Variants in PRR13 observed in about 807,000 individuals in gnomAD.
PRR13 encodes the protein proline-rich protein 13.
Under a neutral mutation model 11.5 loss-of-function variants are expected in PRR13, and 7 were observed. The ratio of observed to expected loss-of-function variants is 0.61; its 90% CI spans 0.34 to 1.14. PRR13 has a LOEUF of 1.14. PRR13 is among the 50% of genes most tolerant of loss of function. The pLI is 0.03. For synonymous variants in PRR13, 53 were observed against 67.8 expected, an observed-to-expected ratio of 0.78 and a Z score of 1.07; for missense variants, 155 against 194.4, an observed-to-expected ratio of 0.80 and a Z score of 1.21.
At chr12:53,444,026 C>CA in intron 3 of PRR13, 1 of 526,942 alleles carries the variant, frequency 1.9e-6, no homozygotes, top group Middle Eastern at 5.0e-4. Flanking sequence ...AATCAAAAGC[C>CA]AAATCTTTTC....
chr12:53,445,093 T>G (rs1940375760), intron 3 of PRR13, among the ~76,000 whole-genome samples: 1 of 152,192 alleles, frequency 6.6e-6, no homozygotes, highest in Non-Finnish European at 1.5e-5. Flanking sequence ...GGTCCACACC[T>G]GTAATCCCAG....
rs1371480345 is a variant in PRR13 at position 53,442,724 on chromosome 12, C to T, written c.10C>T (p.Pro4Ser). 6.2e-7 allele frequency: 1 copy of T among 1,610,970 alleles called. No homozygotes were observed. Among genetic ancestry groups the T allele is most frequent in the South Asian group, 1.1e-5 (1 of 91,004 alleles). MWNPNAGQPGPNPY... is the reference protein window; with the variant it reads MWNSNAGQPGPNPY... ...GAGGACACACCTAAACATGTGGAATCCCAATGCCGGTAGGTGTTTGGGGGT... is the reference window on the plus strand; with the variant it reads ...GAGGACACACCTAAACATGTGGAATTCCAATGCCGGTAGGTGTTTGGGGGT... The change falls in exon 2 of 4, where the codon CCC becomes TCC. Residue 4 changes from proline (P) to serine (S), a missense_variant. Pro to Ser is a moderately conservative substitution (Grantham distance 74, BLOSUM62 -1). Coordinates refer to ENST00000429243, the MANE Select transcript of PRR13 (RefSeq NM_018457.4).
intron 3 of PRR13, among the ~76,000 whole-genome samples, chr12:53,444,520 G>A (rs980912896): frequency 5.4e-4 from 82 of 152,206 alleles, no homozygotes; most frequent in African/African-American, 1.9e-3. Context: ...TAGTAGAGAT[G>A]GGGTTTCACC....
At position 53,446,023 on chromosome 12, in the gene PRR13, C is replaced by T. The variant is rs771297686; in HGVS notation, c.411C>T (p.Ser137=). The part of the protein sequence containing the change: ...HKYHKHGKHS[S]SSSSSSSSDS... ...CCCCTTTCCCCTTGCAGCATTCCTC[C>T]TCTTCCTCCTCCTCTTCCAGCAGTG... The change falls in exon 4 of 4, where the codon TCC becomes TCT. Residue 137 remains serine, a synonymous_variant. Transcript: ENST00000429243. The T allele has an allele frequency of 1.2e-6, 2 of 1,611,580 alleles. No homozygotes were observed. Among genetic ancestry groups the T allele is most frequent in the Non-Finnish European group, 8.5e-7 (1 of 1,179,314 alleles).
chr12:53,446,151 T>C lies in PRR13; in HGVS notation c.*92T>C. On this transcript the variant is annotated 3_prime_UTR_variant, in exon 4 of 4. Coordinates refer to ENST00000429243, the MANE Select transcript of PRR13 (RefSeq NM_018457.4). ...TGTTGTACTGGGGGAATGTAGCCCT[T>C]GTGCTCCCCACCCCCTACCTCCACC... is the stretch of plus-strand genomic sequence containing the variant. 1 of 1,596,096 alleles carries C rather than the reference T, an allele frequency of 6.3e-7. No homozygotes were observed. Among genetic ancestry groups the C allele is most frequent in the Non-Finnish European group, 8.5e-7 (1 of 1,174,090 alleles).
chr12:53,442,820 C>T, intron 2 of PRR13, 87 bp downstream of exon 2: 1 of 1,426,856 alleles, frequency 7.0e-7, no homozygotes, highest in South Asian at 1.2e-5. Flanking sequence ...TCCCCTACCC[C>T]CGACCTGCTG....
chr12:53,442,499 T>C (rs1940313199), intron 1 of PRR13, 196 bp from the exon 2 acceptor site: 3 of 496,578 alleles, frequency 6.0e-6, no homozygotes, highest in South Asian at 4.6e-5. Flanking sequence ...CGCCTCGGCC[T>C]CCCAAAGTGC....
Position 53,446,509 on chromosome 12 carries a change from C to T in PRR13, c.*450C>T. ...GGCCTTTTGTTGGTTGCACTAACTG[C>T]AAGGTTGCTGGGAAGTAGAGTCCAT... On this transcript the variant is annotated 3_prime_UTR_variant, in exon 4 of 4. Transcript: ENST00000429243. 5.9e-6 allele frequency: 1 copy of T among 168,144 alleles called. No individual in the cohort carries two copies. Among genetic ancestry groups the T allele is most frequent in the Non-Finnish European group, 1.3e-5 (1 of 78,490 alleles). The allele number at this position is 168,144 out of a possible 1,614,324, so 10.4% of individuals were successfully genotyped here.
chr12:53,444,871 C>T (rs937346012), intron 3 of PRR13, among the ~76,000 whole-genome samples: 1 of 152,020 alleles, frequency 6.6e-6, no homozygotes, highest in Non-Finnish European at 1.5e-5. Flanking sequence ...GCACTCCAGC[C>T]TCGGTGACAG....
chr12:53,443,248 T>A lies in PRR13; in HGVS notation c.20-143T>A, dbSNP rs182784015. The A allele has an allele frequency of 2.1e-3, 1,813 of 878,868 alleles. 3 individuals are homozygous for A. Among genetic ancestry groups the A allele is most frequent in the Non-Finnish European group, 2.6e-3 (1,654 of 627,100 alleles). 54.4% of individuals were successfully genotyped at this position (878,868 alleles called of 1,614,324 possible). ...TTCCCCCTTTTCTCCCCAACTCAAG[T>A]TTGTCTCCCCTACCCTCCATTCTTC... On this transcript the variant is annotated intron_variant, in intron 2 of 3. Transcript: ENST00000429243.
intron 2 of PRR13, 68 bp from the exon 3 acceptor site, chr12:53,443,319 CTCTT>C (rs1340051297): frequency 1.7e-5 from 21 of 1,256,774 alleles, no homozygotes; most frequent in African/African-American, 4.5e-5. Flanking sequence ...GAGAAAGAAT[CTCTT>C]TCTTTTTGTT....
At chr12:53,445,159 A>C (rs1423898949) in intron 3 of PRR13, among the ~76,000 whole-genome samples, 1 of 151,918 alleles carries the variant, frequency 6.6e-6, no homozygotes, top group Non-Finnish European at 1.5e-5. Context: ...AGACCAGCCT[A>C]GCCAACATGG....
intron 3 of PRR13, 29 bp from the exon 4 acceptor site, chr12:53,445,986 T>TCTTTCCCCTTTCCC (rs3830568): frequency 2.8e-5 from 45 of 1,611,980 alleles, no homozygotes; most frequent in East Asian, 1.8e-4. Context: ...GATGCTATCT[T>TCTTTCCCCTTTCCC]CTTTCCCCTT....
intron 3 of PRR13, among the ~76,000 whole-genome samples, chr12:53,444,625 A>G (rs1213039393): frequency 4.6e-5 from 7 of 152,342 alleles, no homozygotes; most frequent in Non-Finnish European, 8.8e-5. Context: ...CACTGCACCC[A>G]GCCCTAAGGA....
chr12:53,443,852 A>G, intron 3 of PRR13, 79 bp downstream of exon 3: 2 of 1,469,504 alleles, frequency 1.4e-6, no homozygotes, highest in South Asian at 1.3e-5. Context: ...GGTGAGGGGG[A>G]TTCACATTCT....
chr12:53,444,128 GTCATTCCTT>G (rs1379053422), intron 3 of PRR13: 3 of 394,636 alleles, frequency 7.6e-6, no homozygotes, highest in Admixed American at 4.0e-5. Flanking sequence ...AAATACCAAA[GTCATTCCTT>G]TGACAAAGCA....
chr12:53,443,832 G>C, intron 3 of PRR13, 59 bp downstream of exon 3: 1 of 1,530,686 alleles, frequency 6.5e-7, no homozygotes, highest in South Asian at 1.2e-5. Context: ...GACTAGGTAG[G>C]CAGGGGTTGG....
At chr12:53,442,654 T>C (rs1298069475) in intron 1 of PRR13, 41 bp from the exon 2 acceptor site, 14 of 1,550,078 alleles carry the variant, frequency 9.0e-6, no homozygotes, top group Non-Finnish European at 1.2e-5. Flanking sequence ...ACTTCCTACC[T>C]CTAGACCGTC....
At chr12:53,443,098 C>G in intron 2 of PRR13, 1 of 380,900 alleles carries the variant, frequency 2.6e-6, no homozygotes, top group Non-Finnish European at 4.7e-6. Context: ...CTCATGAGAT[C>G]TGTCCACCTC....
Sources: allele counts gnomAD v4.1 joint callset (sites outside exome capture counted in the v4.1 genomes callset), GRCh38; gene constraint gnomAD v4.1.1; transcripts MANE v1.5; gene names NCBI Gene and HGNC (gene_info 2026-07-23, HGNC 2026-07-21).